Variants in WWP1 observed in about 807,000 individuals in gnomAD.
The protein encoded by WWP1 is NEDD4-like E3 ubiquitin-protein ligase WWP1.
Under a neutral mutation model 130.6 loss-of-function variants are expected in WWP1, and 49 were observed. The ratio of observed to expected loss-of-function variants is 0.38; its 90% confidence interval spans 0.30 to 0.48. WWP1 has a LOEUF of 0.48. Ranked by LOEUF, WWP1 falls within the 20% of genes least tolerant of loss-of-function variation. The pLI, the probability that WWP1 is intolerant of heterozygous loss-of-function variation, is 0.99. For synonymous variants in WWP1, 332 were observed against 367.8 expected (o/e 0.90, Z 1.11); for missense variants, 809 against 1,100.6 (o/e 0.74, Z 3.75).
chr8:86,362,169 T>TATATATATATATATATATATAAGGC (rs1823692544), intron 1 of WWP1, among the ~76,000 whole-genome samples: 2 of 50,862 alleles, frequency 3.9e-5, no homozygotes, highest in African/African-American at 1.0e-4. Flanking sequence ...AAGGCATATA[T>TATATATATATATATATATATAAGGC]ATATATATAT....
At chr8:86,458,075 T>A (rs1811555850) in intron 22 of WWP1, 50 bp downstream of exon 22, 5 of 1,462,854 alleles carry the variant, frequency 3.4e-6, no homozygotes, top group Non-Finnish European at 4.7e-6. Flanking sequence ...TATTTTCTAA[T>A]GAAATGGTGG....
intron 9 of WWP1, among the ~76,000 whole-genome samples, chr8:86,420,139 G>C (rs1809118540): frequency 6.6e-6 from 1 of 152,158 alleles, no homozygotes. Flanking sequence ...AGGAATTAGA[G>C]GGTCTGCTAG....
At chr8:86,365,915 A>C (rs1263808938) in intron 1 of WWP1, among the ~76,000 whole-genome samples, 1 of 152,210 alleles carries the variant, frequency 6.6e-6, no homozygotes, top group African/African-American at 2.4e-5. Context: ...TAAAGACAGA[A>C]CCTGGGAAGA....
chr8:86,356,520 A>C (rs925888072), intron 1 of WWP1, among the ~76,000 whole-genome samples: 5 of 151,734 alleles, frequency 3.3e-5, no homozygotes, highest in Non-Finnish European at 7.4e-5. Flanking sequence ...CAAACTGAGA[A>C]ATTATAGCAA....
intron 5 of WWP1, 46 bp downstream of exon 5, chr8:86,381,675 G>T: frequency 6.6e-7 from 1 of 1,513,734 alleles, no homozygotes; most frequent in South Asian, 1.3e-5. Context: ...GTTTATTTTA[G>T]ACACTTTGAA....
At chr8:86,397,414 A>G (rs1207168255) in intron 5 of WWP1, among the ~76,000 whole-genome samples, 3 of 87,880 alleles carry the variant, frequency 3.4e-5, no homozygotes, top group African/African-American at 1.7e-4. Flanking sequence ...ATTAAACCAA[A>G]CTTATTAACA....
intron 5 of WWP1, among the ~76,000 whole-genome samples, chr8:86,388,025 T>A (rs1825386988): frequency 1.3e-5 from 2 of 152,192 alleles, no homozygotes; most frequent in African/African-American, 4.8e-5. Flanking sequence ...AACTAAAGTG[T>A]TTAATTTTAA....
intron 5 of WWP1, among the ~76,000 whole-genome samples, chr8:86,391,133 C>T (rs914989341): frequency 1.3e-5 from 2 of 151,966 alleles, no homozygotes; most frequent in Admixed American, 6.6e-5. Flanking sequence ...TATTGTTTTC[C>T]CCAGAATCCA....
chr8:86,365,303 A>G (rs1424558029), intron 1 of WWP1, among the ~76,000 whole-genome samples: 1 of 152,198 alleles, frequency 6.6e-6, no homozygotes, highest in Non-Finnish European at 1.5e-5. Flanking sequence ...CACTGAAAGG[A>G]ACTTTGAAAT....
rs1018125963 is a variant in WWP1 at position 86,342,629 on chromosome 8, GCGCGGCGCCGGCGACGCGGCCA to G, written c.-407_-386del. 2.0e-4 allele frequency: 44 copies of G among 221,768 alleles called. No homozygotes were observed. The highest frequency in any genetic ancestry group is 5.9e-4 in the Admixed American group (10 of 17,012). The allele number at this position is 221,768 out of a possible 1,614,324, so 13.7% of individuals were successfully genotyped here. ...GCCGGCGGGGAGGCGCGCGCTTAGGGCGCGGCGCCGGCGACGCGGCCACGCGGCGCGCTCCCGAGGAAGGGAG... is the reference window on the plus strand; with the variant it reads ...GCCGGCGGGGAGGCGCGCGCTTAGGGCGCGGCGCGCTCCCGAGGAAGGGAG... On this transcript the variant is annotated 5_prime_UTR_variant, in exon 1 of 25. Coordinates refer to ENST00000517970, the MANE Select transcript of WWP1 (RefSeq NM_007013.4).
At chr8:86,457,832 T>C in intron 21 of WWP1, 89 bp from the exon 22 acceptor site, 1 of 1,150,658 alleles carries the variant, frequency 8.7e-7, no homozygotes, top group Non-Finnish European at 1.3e-6. Flanking sequence ...TAATTTGCCA[T>C]GTGCATAACT....
intron 5 of WWP1, among the ~76,000 whole-genome samples, chr8:86,383,449 A>G (rs1458816499): frequency 6.6e-6 from 1 of 152,212 alleles, no homozygotes; most frequent in South Asian, 2.1e-4. Context: ...GTATAAGCTA[A>G]AAATTACCTT....
intron 20 of WWP1, among the ~76,000 whole-genome samples, chr8:86,448,755 C>T (rs1216932304): frequency 6.6e-6 from 1 of 152,150 alleles, no homozygotes; most frequent in East Asian, 1.9e-4. Context: ...AAATAGTGCT[C>T]ACCACAGCCT....
chr8:86,426,602 A>G (rs899247573), intron 10 of WWP1, among the ~76,000 whole-genome samples: 1 of 152,184 alleles, frequency 6.6e-6, no homozygotes, highest in Admixed American at 6.5e-5. Flanking sequence ...TTAGACTCTC[A>G]CATGAGGCCC....
intron 5 of WWP1, among the ~76,000 whole-genome samples, chr8:86,386,008 T>C (rs1034255331): frequency 6.6e-6 from 1 of 152,192 alleles, no homozygotes; most frequent in Non-Finnish European, 1.5e-5. Context: ...GAAAATCACT[T>C]TTCTATAAGA....
intron 5 of WWP1, among the ~76,000 whole-genome samples, chr8:86,387,534 A>G (rs1050961020): frequency 1.3e-5 from 2 of 151,574 alleles, no homozygotes; most frequent in South Asian, 2.1e-4. Flanking sequence ...TTTTTCCTTG[A>G]GACAGTCTCA....
At chr8:86,397,370 G>A (rs1417634358) in intron 5 of WWP1, among the ~76,000 whole-genome samples, 1 of 152,174 alleles carries the variant, frequency 6.6e-6, no homozygotes, top group African/African-American at 2.4e-5. Context: ...GGGGTATGGA[G>A]TGATGTTATG....
At chr8:86,375,882 A>T (rs1335805575) in intron 3 of WWP1, among the ~76,000 whole-genome samples, 1 of 152,230 alleles carries the variant, frequency 6.6e-6, no homozygotes, top group African/African-American at 2.4e-5. Context: ...TGTCTACACC[A>T]GCTATACATG....
chr8:86,407,224 C>T (rs1808331565), intron 8 of WWP1, among the ~76,000 whole-genome samples: 1 of 152,140 alleles, frequency 6.6e-6, no homozygotes, highest in Non-Finnish European at 1.5e-5. Context: ...AGCCTACCAT[C>T]CTGTCCTTCC....
Sources: allele counts gnomAD v4.1 joint callset (sites outside exome capture counted in the v4.1 genomes callset), GRCh38; gene constraint gnomAD v4.1.1; transcripts MANE v1.5; gene names NCBI Gene and HGNC (gene_info 2026-07-23, HGNC 2026-07-21).